SEM1: variants seen among roughly 807,000 people sequenced by gnomAD.
The protein encoded by SEM1 is SEM1 26S proteasome subunit, also known as 26S proteasome complex subunit SEM1.
A neutral mutation model predicts 12.7 loss-of-function variants in SEM1; 3 were observed. That is an observed-to-expected ratio of 0.24 (90% CI 0.11 to 0.61). The LOEUF (loss-of-function observed/expected upper bound fraction) is 0.61, where lower values mean the gene tolerates loss of function less well. SEM1 is among the 20% of genes least tolerant of loss of function. The pLI, the probability that SEM1 is intolerant of heterozygous loss-of-function variation, is 0.88. For synonymous variants in SEM1, 30 were observed against 27.8 expected, an observed-to-expected ratio of 1.08 and a Z score of -0.25; for missense variants, 59 against 81.3, an observed-to-expected ratio of 0.73 and a Z score of 1.06.
chr7:96,687,527 G>A (rs1388772279), downstream of SEM1, among the ~76,000 whole-genome samples: 6 of 151,480 alleles, frequency 4.0e-5, no homozygotes, highest in Admixed American at 6.6e-5. Context: ...GTAAACTATC[G>A]CAAGGACAAA....
In SEM1 at chr7:96,681,433, CTTAAT is replaced by C. The variant is rs570719519; in HGVS notation, c.171-7579_171-7575del. 1.3e-3 allele frequency among the ~76,000 whole-genome samples: 194 copies of C among 152,166 alleles called. 1 individual carries two copies. Among genetic ancestry groups the C allele is most frequent in the African/African-American group, 4.5e-3 (189 of 41,544 alleles). On this transcript the variant is annotated intron_variant, in intron 2 of 2. Transcript: ENST00000413065. ...TAATAGTAGTGGGAGTAGATAGATT[CTTAAT>C]TTATCAGTTAAGCTGTTTCTGGGTA...
At chr7:96,704,161 G>A (rs1295198268) in intron 1 of SEM1, among the ~76,000 whole-genome samples, 2 of 151,978 alleles carry the variant, frequency 1.3e-5, no homozygotes, top group Non-Finnish European at 2.9e-5. Context: ...TAAAAATCAA[G>A]TAGGAGGAAA....
At chr7:96,531,001 G>C (rs1804622641) in intron 2 of SEM1, among the ~76,000 whole-genome samples, 1 of 152,000 alleles carries the variant, frequency 6.6e-6, no homozygotes, top group Non-Finnish European at 1.5e-5. Flanking sequence ...AATCAAAACT[G>C]TTGCAATAAT....
chr7:96,597,915 C>G (rs1266852835), intron 2 of SEM1, among the ~76,000 whole-genome samples: 2 of 152,066 alleles, frequency 1.3e-5, no homozygotes, highest in Non-Finnish European at 2.9e-5. Flanking sequence ...ATAGTTCTCA[C>G]CTACTTTAAT....
At chr7:96,488,471 G>A (rs1197039355) in intron 1 of SEM1, among the ~76,000 whole-genome samples, 1 of 152,104 alleles carries the variant, frequency 6.6e-6, no homozygotes, top group Non-Finnish European at 1.5e-5. Flanking sequence ...AGTTGACAAT[G>A]CAATAGTAGG....
At chr7:96,634,203 T>C (rs1166937943) in intron 2 of SEM1, among the ~76,000 whole-genome samples, 9 of 152,146 alleles carry the variant, frequency 5.9e-5, no homozygotes, top group Non-Finnish European at 8.8e-5. Flanking sequence ...AAACAGGCGA[T>C]ACTAGCCAGG....
chr7:96,615,845 A>G (rs914987503), intron 2 of SEM1, among the ~76,000 whole-genome samples: 6 of 152,168 alleles, frequency 3.9e-5, no homozygotes, highest in Non-Finnish European at 8.8e-5. Context: ...TTAAGTTTCT[A>G]AGTTATTTCA....
intron 2 of SEM1, among the ~76,000 whole-genome samples, chr7:96,584,702 CT>C (rs1388593648): frequency 6.6e-6 from 1 of 151,746 alleles, no homozygotes; most frequent in Admixed American, 6.6e-5. Flanking sequence ...TCCCTTCTCG[CT>C]TCATTTCATT....
At chr7:96,703,838 CTAGGGAGGCTGA>C (rs1208672611) in intron 1 of SEM1, among the ~76,000 whole-genome samples, 2 of 151,906 alleles carry the variant, frequency 1.3e-5, no homozygotes, top group Non-Finnish European at 2.9e-5. Context: ...CTCCCAGCTA[CTAGGGAGGCTGA>C]TAGGGAGGCT....
rs539644386 is a variant in SEM1 at position 96,688,803 on chromosome 7, A to T, written c.*121T>A. Reference sequence around the variant, plus strand: ...CATTTATTTTTTGTGTTACAAAAACACAAATAAATCCAAGCAGATAATGAA... The same window carrying T: ...CATTTATTTTTTGTGTTACAAAAACTCAAATAAATCCAAGCAGATAATGAA... On this transcript the variant is annotated 3_prime_UTR_variant, in exon 3 of 3. Coordinates refer to ENST00000248566, the MANE Select transcript of SEM1 (RefSeq NM_006304.2). 3 of 673,758 alleles carry T rather than the reference A, an allele frequency of 4.5e-6. No homozygotes were observed. The highest frequency in any genetic ancestry group is 5.5e-5 in the East Asian group (2 of 36,212). 41.7% of individuals were successfully genotyped at this position (673,758 alleles called of 1,614,324 possible).
intron 2 of SEM1, among the ~76,000 whole-genome samples, chr7:96,616,384 G>A (rs1368141032): frequency 1.3e-5 from 2 of 151,170 alleles, no homozygotes; most frequent in African/African-American, 4.9e-5. Flanking sequence ...CTTTACAATG[G>A]TTTTTTTTCA....
At chr7:96,596,443 T>A (rs1807001104) in intron 2 of SEM1, among the ~76,000 whole-genome samples, 1 of 152,172 alleles carries the variant, frequency 6.6e-6, no homozygotes, top group South Asian at 2.1e-4. Flanking sequence ...CAGCTACTTA[T>A]TTGAACAGCT....
intron 1 of SEM1, chr7:96,697,061 G>A (rs1790120136): frequency 6.6e-6 from 1 of 151,374 alleles, no homozygotes; most frequent in African/African-American, 2.4e-5. Context: ...GCCTTATAAA[G>A]CATACACTTT....
At chr7:96,652,568 A>T (rs945977080) in intron 2 of SEM1, among the ~76,000 whole-genome samples, 2 of 152,030 alleles carry the variant, frequency 1.3e-5, no homozygotes, top group Non-Finnish European at 2.9e-5. Context: ...TTTAATTTTT[A>T]TGGTCACCAA....
chr7:96,612,118 C>T lies in SEM1; in HGVS notation c.170+82680G>A, dbSNP rs60084617. Among the ~76,000 whole-genome samples, 614 of 152,208 alleles carry T rather than the reference C, an allele frequency of 4.0e-3. 7 individuals carry two copies. Among genetic ancestry groups the T allele is most frequent in the African/African-American group, 0.014 (561 of 41,540 alleles). Reference sequence around the variant, plus strand: ...TTGCAACATTTTATCATTGAGTAGGCGCTTCACAGTTTATAAAGCAGCTCC... The same window carrying T: ...TTGCAACATTTTATCATTGAGTAGGTGCTTCACAGTTTATAAAGCAGCTCC... On this transcript the variant is annotated intron_variant and NMD_transcript_variant, in intron 2 of 3. Transcript: ENST00000466986.
chr7:96,703,468 A>C (rs983434578), intron 1 of SEM1, among the ~76,000 whole-genome samples: 1 of 152,204 alleles, frequency 6.6e-6, no homozygotes, highest in Non-Finnish European at 1.5e-5. Flanking sequence ...AATAAAAATT[A>C]TATTATAAAA....
At chr7:96,665,905 T>A (rs923866058) in intron 2 of SEM1, among the ~76,000 whole-genome samples, 9 of 152,134 alleles carry the variant, frequency 5.9e-5, no homozygotes, top group Non-Finnish European at 8.8e-5. Context: ...GCCCTGCAGA[T>A]GAGAAAGCTA....
At chr7:96,560,417 T>C (rs926595518) in intron 2 of SEM1, among the ~76,000 whole-genome samples, 1 of 152,194 alleles carries the variant, frequency 6.6e-6, no homozygotes, top group Non-Finnish European at 1.5e-5. Context: ...TTCATAAATT[T>C]ATTGGCCATC....
chr7:96,615,451 C>CG (rs1554424991), intron 2 of SEM1, among the ~76,000 whole-genome samples: 2 of 151,944 alleles, frequency 1.3e-5, no homozygotes, highest in Non-Finnish European at 2.9e-5. Context: ...GACAAGGTTT[C>CG]GCCAGGTTGG....
Sources: allele counts gnomAD v4.1 joint callset (sites outside exome capture counted in the v4.1 genomes callset), GRCh38; gene constraint gnomAD v4.1.1; transcripts MANE v1.5; gene names NCBI Gene and HGNC (gene_info 2026-07-23, HGNC 2026-07-21).